SBNO2: variants seen among roughly 807,000 people sequenced by gnomAD.
SBNO2 encodes the protein protein strawberry notch homolog 2.
A neutral mutation model predicts 146.3 loss-of-function variants in SBNO2; 89 were observed. That is an observed-to-expected ratio of 0.61 (90% CI 0.51 to 0.73). The LOEUF is 0.73. Ranked by LOEUF, SBNO2 falls within the 30% of genes least tolerant of loss-of-function variation. The pLI, the probability that SBNO2 is intolerant of heterozygous loss-of-function variation, is 0.00. For missense variants in SBNO2, 2,092 were observed against 2,003.7 expected (o/e 1.04, Z -0.84); for synonymous variants, 1,147 against 892.6 (o/e 1.29, Z -5.08).
At chr19:1,161,907 G>GGC (rs2080349318) in intron 1 of SBNO2, among the ~76,000 whole-genome samples, 1 of 61,030 alleles carries the variant, frequency 1.6e-5, no homozygotes, top group Non-Finnish European at 3.7e-5. Context: ...GGGGAGCCGC[G>GGC]GGGGGGGGGG....
At chr19:1,149,335 C>T in intron 3 of SBNO2, 34 bp downstream of exon 3, 1 of 1,539,512 alleles carries the variant, frequency 6.5e-7, no homozygotes, top group Non-Finnish European at 8.8e-7. Flanking sequence ...ATGAGCAAGC[C>T]TGGGGGCCAG....
rs374072948 is a variant in SBNO2 at position 1,172,350 on chromosome 19, G to A, written c.-127+1822C>T. Among the ~76,000 whole-genome samples, 24 of 152,334 alleles carry A rather than the reference G, an allele frequency of 1.6e-4. No individual in the cohort carries two copies. In the East Asian group the frequency reaches 3.5e-3, roughly 22 times the overall value. The stretch of plus-strand genomic sequence containing the variant: ...CTTTCTCGGCAAGAACTCTGAAGGT[G>A]GCCCGGAGCAGGCCACTGTGAGAAG... On this transcript the variant is annotated intron_variant, in intron 1 of 31. Coordinates refer to ENST00000361757, the MANE Select transcript of SBNO2 (RefSeq NM_014963.3).
chr19:1,149,336 T>G (rs1435228582), intron 3 of SBNO2, 33 bp downstream of exon 3: 3 of 1,540,174 alleles, frequency 1.9e-6, no homozygotes, highest in African/African-American at 1.4e-5. Flanking sequence ...TGAGCAAGCC[T>G]GGGGGCCAGG....
Position 1,111,496 on chromosome 19 carries a change from C to G in SBNO2, c.2809+10G>C. 1 of 1,550,616 alleles carries G rather than the reference C, an allele frequency of 6.4e-7. No individual in the cohort carries two copies. Among genetic ancestry groups the G allele is most frequent in the Non-Finnish European group, 8.7e-7 (1 of 1,142,950 alleles). On this transcript the variant is annotated intron_variant, in intron 24 of 31. Transcript: ENST00000361757. ...CCCCTCCCAGGAAGACCCCCACCAG[C>G]CCAGCTTACCCCGGAAGAAGGTGGG...
Position 1,109,584 on chromosome 19 carries a change from G to T in SBNO2, c.3138C>A (p.Arg1046=), listed in dbSNP as rs765199365. Residue 1046 remains arginine (R), a synonymous_variant, in exon 28 of 32, where the codon CGC becomes CGA. Coordinates refer to ENST00000361757, the MANE Select transcript of SBNO2 (RefSeq NM_014963.3). This position sits in a 1 kb window ranked among gnomAD's most constrained non-coding sequence, Gnocchi z 4.2. The part of the protein sequence containing the change: ...QVVFYKISVD[R]GLKWEDAFAK... ...CAAAGGCGTCCTCCCACTTCAGGCC[G>T]CGGTCCACGCTGATCTGCCACGGCA... 8 of 1,589,548 alleles carry T rather than the reference G, an allele frequency of 5.0e-6. No homozygotes were observed. Among genetic ancestry groups the T allele is most frequent in the Middle Eastern group, 1.7e-4 (1 of 6,000 alleles).
rs1035205622 is a variant in SBNO2, at chr19:1,157,864, C to G, written c.-126-3462G>C. ...GCCTCCCAGCTCTCTCTCTTGAGTC[C>G]GGGTAACTGCATCTGCCTCCCAGCT... On this transcript the variant is annotated intron_variant, in intron 1 of 31. Transcript: ENST00000361757. This position sits in a 1 kb window ranked among gnomAD's most constrained non-coding sequence, Gnocchi z 6.8. Among the ~76,000 whole-genome samples, 12 of 137,366 alleles carry G rather than the reference C, an allele frequency of 8.7e-5. No homozygotes were observed. The highest frequency in any genetic ancestry group is 1.5e-4 in the Non-Finnish European group (9 of 59,700). The allele number at this position is 137,366 out of a possible 152,430, so 90.1% of individuals were successfully genotyped here. A position where few individuals can be genotyped will look rare whatever the true frequency, so the allele number is the denominator to read the frequency against.
chr19:1,141,067 G>GCA (rs1568607271), intron 4 of SBNO2, among the ~76,000 whole-genome samples: 1 of 132,866 alleles, frequency 7.5e-6, no homozygotes, highest in African/African-American at 2.8e-5. Flanking sequence ...GAGAAGAGGC[G>GCA]CCCCGGAGAA....
chr19:1,154,797 C>A (rs1400545280), intron 1 of SBNO2, among the ~76,000 whole-genome samples: 1 of 152,182 alleles, frequency 6.6e-6, no homozygotes, highest in Non-Finnish European at 1.5e-5. Context: ...CCAACCCGGG[C>A]CCGGCACCCA....
chr19:1,113,710 G>T lies in SBNO2; in HGVS notation c.2078-6C>A. ...CTGCAGGAGGCACAGGGGTCCTAGGGAGGAGGTGGAGGGTCAGGGCAGGAC... is the reference window on the plus strand; with the variant it reads ...CTGCAGGAGGCACAGGGGTCCTAGGTAGGAGGTGGAGGGTCAGGGCAGGAC... On this transcript the variant is annotated splice_polypyrimidine_tract_variant and splice_region_variant and intron_variant, in intron 18 of 31. Coordinates refer to ENST00000361757, the MANE Select transcript of SBNO2 (RefSeq NM_014963.3). 6.5e-7 allele frequency: 1 copy of T among 1,532,120 alleles called. No individual in the cohort carries two copies. The highest frequency in any genetic ancestry group is 8.8e-7 in the Non-Finnish European group (1 of 1,141,400). The allele number at this position is 1,532,120 out of a possible 1,614,324, so 94.9% of individuals were successfully genotyped here.
At chr19:1,108,741 G>C in intron 31 of SBNO2, 37 bp from the exon 32 acceptor site, 2 of 1,588,602 alleles carry the variant, frequency 1.3e-6, no homozygotes, top group Non-Finnish European at 1.7e-6. Flanking sequence ...CCGGCGCTGG[G>C]GGCTCGGGCC....
Position 1,154,217 on chromosome 19 carries a change from C to T in SBNO2, c.60G>A (p.Ala20=), listed in dbSNP as rs749614851. The T allele has an allele frequency of 3.6e-5, 45 of 1,258,828 alleles. No individual in the cohort carries two copies. The highest frequency in any genetic ancestry group is 1.2e-4 in the East Asian group (4 of 33,218). The allele number at this position is 1,258,828 out of a possible 1,614,324, so 78.0% of individuals were successfully genotyped here. A position where few individuals can be genotyped will look rare whatever the true frequency, so the allele number is the denominator to read the frequency against. Residue 20 remains alanine, a synonymous_variant, in exon 2 of 32, where the codon GCG becomes GCA. Coordinates refer to ENST00000361757, the MANE Select transcript of SBNO2 (RefSeq NM_014963.3). ...GCGGCGGGCTGTACAGGAGGCTGCCCGCCGGCGGGGGTTCATGCTGCGGGT... is the reference window on the plus strand; with the variant it reads ...GCGGCGGGCTGTACAGGAGGCTGCCTGCCGGCGGGGGTTCATGCTGCGGGT... The part of the protein sequence containing the change: ...RDYPQHEPPP[A]GSLLYSPPPL...
Position 1,158,196 on chromosome 19 carries a change from C to T in SBNO2, c.-126-3794G>A, listed in dbSNP as rs1041770503. 3.9e-5 allele frequency among the ~76,000 whole-genome samples: 6 copies of T among 152,240 alleles called. No homozygotes were observed. Among genetic ancestry groups the T allele is most frequent in the African/African-American group, 7.2e-5 (3 of 41,454 alleles). The stretch of plus-strand genomic sequence containing the variant: ...TTCAGAACTGGCCACTGTGCGGACC[C>T]TCCCCCTGGGGGTCCCTGAGCACCT... On this transcript the variant is annotated intron_variant, in intron 1 of 31. Coordinates refer to ENST00000361757, the MANE Select transcript of SBNO2 (RefSeq NM_014963.3). The surrounding 1 kb of genome is among the most constrained non-coding windows in gnomAD (Gnocchi z 9.9).
Position 1,150,008 on chromosome 19 carries a change from C to A in SBNO2, c.94-566G>T, listed in dbSNP as rs1157363593. 6.6e-6 allele frequency among the ~76,000 whole-genome samples: 1 copy of A among 152,170 alleles called. No homozygotes were observed. Among genetic ancestry groups the A allele is most frequent in the Non-Finnish European group, 1.5e-5 (1 of 68,012 alleles). ...CGGGGCCCTGACTTCTCAGAAGCTG[C>A]ACGGGGCTGGGGTGCGGGGAGCCTG... On this transcript the variant is annotated intron_variant, in intron 2 of 31. Transcript: ENST00000361757. The surrounding 1 kb of genome is among the most constrained non-coding windows in gnomAD (Gnocchi z 6.2).
rs1393714595 is a variant in SBNO2, at chr19:1,116,059, TTGG to T, written c.1844_1846del (p.Thr615del). ...GCCCGCTCCTCTGTCCCGCTTTCTC[TTGG>T]TGGACGGAAAGTGCTTCTGAATTAG... On this transcript the variant is annotated inframe_deletion, in exon 17 of 32. Transcript: ENST00000361757. 2 of 1,610,938 alleles carry T rather than the reference TTGG, an allele frequency of 1.2e-6. No individual in the cohort carries two copies. Among genetic ancestry groups the T allele is most frequent in the Non-Finnish European group, 1.7e-6 (2 of 1,179,220 alleles).
intron 1 of SBNO2, among the ~76,000 whole-genome samples, chr19:1,155,777 G>A (rs943335111): frequency 6.6e-6 from 1 of 152,184 alleles, no homozygotes; most frequent in African/African-American, 2.4e-5. Flanking sequence ...CTGGGCCCAA[G>A]GCAGCTGCTG....
chr19:1,160,902 C>G (rs1418982517), intron 1 of SBNO2, among the ~76,000 whole-genome samples: 1 of 151,538 alleles, frequency 6.6e-6, no homozygotes, highest in Non-Finnish European at 1.5e-5. Context: ...AACCTGTGGG[C>G]AGCTCTGCCA....
At chr19:1,124,618 C>G (rs2079944147) in intron 5 of SBNO2, among the ~76,000 whole-genome samples, 1 of 152,200 alleles carries the variant, frequency 6.6e-6, no homozygotes, top group Admixed American at 6.5e-5. Context: ...CCTGAGGCCC[C>G]TCGAGGGCAG....
intron 1 of SBNO2, among the ~76,000 whole-genome samples, chr19:1,163,810 G>A (rs1179297481): frequency 2.0e-5 from 3 of 152,328 alleles, no homozygotes; most frequent in East Asian, 1.9e-4. Context: ...GGGCCCGGCA[G>A]GAGGGCAGGA....
At chr19:1,128,291 T>G in intron 4 of SBNO2, 1 of 418,920 alleles carries the variant, frequency 2.4e-6, no homozygotes, top group Non-Finnish European at 4.7e-6. Flanking sequence ...CCATGCCCTG[T>G]GCCGGAGGCA....
Sources: allele counts gnomAD v4.1 joint callset (sites outside exome capture counted in the v4.1 genomes callset), GRCh38; gene constraint gnomAD v4.1.1; non-coding constraint Gnocchi (gnomAD v3.1); transcripts MANE v1.5; gene names NCBI Gene and HGNC (gene_info 2026-07-23, HGNC 2026-07-21).